OSBPL8: variants seen among roughly 807,000 people sequenced by gnomAD.
OSBPL8 encodes the protein oxysterol binding protein like 8, also known as oxysterol-binding protein-related protein 8.
OSBPL8 carries 59 observed loss-of-function variants against 125.5 expected under a neutral mutation model. The ratio of observed to expected loss-of-function variants is 0.47; its 90% CI spans 0.38 to 0.58. The LOEUF (loss-of-function observed/expected upper bound fraction) is 0.58, where lower values mean the gene tolerates loss of function less well. Among genes scored for constraint, OSBPL8 ranks in the 20% least tolerant of loss-of-function variants. OSBPL8 has a pLI of 0.00. For missense variants in OSBPL8, 758 were observed against 1,047.8 expected (o/e 0.72, Z 3.82); for synonymous variants, 330 against 338.9 (o/e 0.97, Z 0.29).
intron 2 of OSBPL8, among the ~76,000 whole-genome samples, chr12:76,484,081 T>C (rs1405529565): frequency 6.6e-6 from 1 of 152,170 alleles, no homozygotes; most frequent in Non-Finnish European, 1.5e-5. Context: ...CAGAATCAAA[T>C]CCAAAATCCC....
chr12:76,509,537 G>A (rs1194371314), intron 1 of OSBPL8, among the ~76,000 whole-genome samples: 4 of 152,108 alleles, frequency 2.6e-5, no homozygotes. Flanking sequence ...AATGGCTTTC[G>A]TCAAAATTAT....
rs201565271 is a variant in OSBPL8, at chr12:76,551,139, AAAC to A, written c.-68+8255_-68+8257del. Among the ~76,000 whole-genome samples, 1,402 of 152,286 alleles carry A rather than the reference AAAC, an allele frequency of 9.2e-3. 7 individuals are homozygous for A. Among genetic ancestry groups the A allele is most frequent in the South Asian group, 0.027 (132 of 4,822 alleles). On this transcript the variant is annotated intron_variant, in intron 1 of 23. Coordinates refer to ENST00000261183, the MANE Select transcript of OSBPL8 (RefSeq NM_020841.5). Reference sequence around the variant, plus strand: ...CACTAGAAACTAGGATGTTTTATAAAAACAACATAGCTTCCTTTATTGGATATA... The same window carrying A: ...CACTAGAAACTAGGATGTTTTATAAAAACATAGCTTCCTTTATTGGATATA...
chr12:76,397,645 C>A (rs773523781), intron 8 of OSBPL8, 49 bp downstream of exon 8: 36 of 1,538,106 alleles, frequency 2.3e-5, no homozygotes, highest in Non-Finnish European at 3.1e-5. Context: ...CAGTTCTATT[C>A]ATGGATTATC....
At chr12:76,520,630 TAA>T (rs1366655298) in intron 1 of OSBPL8, among the ~76,000 whole-genome samples, 3 of 152,078 alleles carry the variant, frequency 2.0e-5, no homozygotes, top group Non-Finnish European at 4.4e-5. Flanking sequence ...AGAATACAAG[TAA>T]GTCATAAGGT....
chr12:76,530,545 C>T (rs1368977020), intron 1 of OSBPL8, among the ~76,000 whole-genome samples: 3 of 152,162 alleles, frequency 2.0e-5, no homozygotes, highest in Non-Finnish European at 4.4e-5. Flanking sequence ...TTTTTACCAA[C>T]TACTTTTTTT....
intron 6 of OSBPL8, 27 bp downstream of exon 6, chr12:76,402,662 A>T (rs759210675): frequency 3.3e-6 from 5 of 1,506,694 alleles, no homozygotes; most frequent in Non-Finnish European, 3.7e-6. Context: ...AATGTAAATT[A>T]CCTTTCAGAA....
intron 6 of OSBPL8, among the ~76,000 whole-genome samples, chr12:76,400,512 C>T (rs1954008950): frequency 6.6e-6 from 1 of 152,028 alleles, no homozygotes. Context: ...AGGTTATATA[C>T]CCAGTAATGG....
chr12:76,535,424 T>C (rs1038890707), intron 1 of OSBPL8, among the ~76,000 whole-genome samples: 2 of 152,144 alleles, frequency 1.3e-5, no homozygotes, highest in African/African-American at 2.4e-5. Context: ...ACACAACCAC[T>C]AGAATGTTAA....
At chr12:76,403,907 T>C (rs1220881769) in intron 5 of OSBPL8, among the ~76,000 whole-genome samples, 2 of 152,212 alleles carry the variant, frequency 1.3e-5, no homozygotes, top group Non-Finnish European at 2.9e-5. Flanking sequence ...ATGAACTTAG[T>C]AAATATCTAA....
At chr12:76,360,524 C>T (rs900389553) in intron 21 of OSBPL8, among the ~76,000 whole-genome samples, 7 of 152,274 alleles carry the variant, frequency 4.6e-5, no homozygotes, top group African/African-American at 1.7e-4. Context: ...AGGACGGTGG[C>T]CCGCTTCTCA....
chr12:76,452,516 CA>C (rs1326103836), intron 3 of OSBPL8, among the ~76,000 whole-genome samples: 3 of 152,250 alleles, frequency 2.0e-5, no homozygotes, highest in African/African-American at 7.2e-5. Flanking sequence ...TGCCTCTCCC[CA>C]AACTCAGTTC....
At chr12:76,369,935 G>T in intron 19 of OSBPL8, 113 bp from the exon 20 acceptor site, 1 of 1,071,268 alleles carries the variant, frequency 9.3e-7, no homozygotes, top group Non-Finnish European at 1.3e-6. Context: ...TGAATTTCTG[G>T]CTTTGACAAC....
chr12:76,481,239 C>T (rs1877440773), intron 2 of OSBPL8, among the ~76,000 whole-genome samples: 1 of 152,178 alleles, frequency 6.6e-6, no homozygotes, highest in Non-Finnish European at 1.5e-5. Context: ...AAATCTGTGG[C>T]AATTTGTTAC....
At chr12:76,490,957 C>T (rs1878654834) in intron 1 of OSBPL8, among the ~76,000 whole-genome samples, 1 of 152,210 alleles carries the variant, frequency 6.6e-6, no homozygotes, top group South Asian at 2.1e-4. Context: ...TGCACCTGCT[C>T]ACCTACACAC....
chr12:76,398,235 T>C (rs943652224), intron 7 of OSBPL8, among the ~76,000 whole-genome samples: 2 of 152,208 alleles, frequency 1.3e-5, no homozygotes, highest in Non-Finnish European at 2.9e-5. Context: ...ATCATGGCTG[T>C]AATCTTATTT....
At chr12:76,410,501 T>C in intron 5 of OSBPL8, 63 bp downstream of exon 5, 1 of 1,199,858 alleles carries the variant, frequency 8.3e-7, no homozygotes, top group Non-Finnish European at 1.2e-6. Context: ...ATTTCAGTGT[T>C]AGTTCCCTCA....
intron 4 of OSBPL8, among the ~76,000 whole-genome samples, chr12:76,417,992 T>C (rs1868929088): frequency 6.6e-6 from 1 of 151,402 alleles, no homozygotes; most frequent in Admixed American, 6.6e-5. Flanking sequence ...CTCCAGAAAA[T>C]TATATGATTT....
At chr12:76,417,827 C>A (rs57475515) in intron 4 of OSBPL8, among the ~76,000 whole-genome samples, 215 of 152,150 alleles carry the variant, frequency 1.4e-3, no homozygotes, top group African/African-American at 5.1e-3. Flanking sequence ...ATCCAAGAAG[C>A]CTTACCAGCC....
intron 1 of OSBPL8, among the ~76,000 whole-genome samples, chr12:76,555,057 C>T (rs1385459010): frequency 6.6e-6 from 1 of 152,108 alleles, no homozygotes; most frequent in Admixed American, 6.5e-5. Context: ...TGTTTGTTTG[C>T]TCAAGAAATA....
Sources: gnomAD v4.1 joint callset for allele counts (sites outside exome capture counted in the v4.1 genomes callset) on GRCh38, gnomAD v4.1.1 for gene constraint, MANE v1.5 for transcripts, NCBI Gene and HGNC (gene_info 2026-07-23, HGNC 2026-07-21) for gene names.